CCDC62: variants seen among roughly 807,000 people sequenced by gnomAD.
The protein encoded by CCDC62 is coiled-coil domain containing 62.
CCDC62 carries 72 observed loss-of-function variants against 80.8 expected under a neutral mutation model. That is an observed-to-expected ratio of 0.89 (90% CI 0.74 to 1.08). The LOEUF is 1.08. Ranked by LOEUF, CCDC62 falls within the 50% of genes least tolerant of loss-of-function variation. The probability of loss-of-function intolerance (pLI) is 0.00; values close to 1 mark genes in which losing one functional copy is unlikely to be tolerated. For synonymous variants in CCDC62, 286 were observed against 296.5 expected, an observed-to-expected ratio of 0.96 and a Z score of 0.36; for missense variants, 704 against 809.4, an observed-to-expected ratio of 0.87 and a Z score of 1.58.
At chr12:122,817,138 A>G (rs575670764) in intron 11 of CCDC62, among the ~76,000 whole-genome samples, 2 of 150,872 alleles carry the variant, frequency 1.3e-5, no homozygotes, top group South Asian at 4.2e-4. Flanking sequence ...TGCAAGCTCC[A>G]CCTTCCGGGT....
chr12:122,809,244 C>A (rs2135573515), intron 10 of CCDC62, among the ~76,000 whole-genome samples: 1 of 152,362 alleles, frequency 6.6e-6, no homozygotes, highest in South Asian at 2.1e-4. Flanking sequence ...AATCCCAGCA[C>A]TTTGGGAGGC....
At chr12:122,797,279 A>T (rs762366865) in intron 6 of CCDC62, 28 bp from the exon 7 acceptor site, 1 of 1,102,972 alleles carries the variant, frequency 9.1e-7, no homozygotes. Flanking sequence ...GCTGATGAAA[A>T]ATGTTAATAA....
At chr12:122,790,398 C>T (rs901238947) in intron 5 of CCDC62, among the ~76,000 whole-genome samples, 5 of 151,978 alleles carry the variant, frequency 3.3e-5, no homozygotes, top group African/African-American at 2.4e-5. Context: ...CATGATGGCT[C>T]ACATCTGTAA....
chr12:122,812,805 A>G (rs1452316652), intron 10 of CCDC62, among the ~76,000 whole-genome samples: 26 of 148,808 alleles, frequency 1.7e-4, no homozygotes, highest in African/African-American at 6.4e-4. Flanking sequence ...GAAAGAAAGA[A>G]AGAAAGAAAG....
At chr12:122,811,299 C>T (rs2031868989) in intron 10 of CCDC62, among the ~76,000 whole-genome samples, 1 of 148,542 alleles carries the variant, frequency 6.7e-6, no homozygotes, top group African/African-American at 2.5e-5. Flanking sequence ...GCAACCTCCG[C>T]CTCCCAGGTT....
chr12:122,809,031 C>T (rs530498852), intron 10 of CCDC62, among the ~76,000 whole-genome samples: 337 of 152,312 alleles, frequency 2.2e-3, no homozygotes, highest in African/African-American at 7.5e-3. Flanking sequence ...CCTTTTCACA[C>T]GCTAAACCAC....
At chr12:122,819,298 T>C (rs145426125) in intron 11 of CCDC62, among the ~76,000 whole-genome samples, 103 of 152,276 alleles carry the variant, frequency 6.8e-4, no homozygotes, top group Admixed American at 4.8e-3. Context: ...GAGCAGCGTG[T>C]CTGCTTCTCC....
rs1327351726 is a variant in CCDC62 at position 122,801,111 on chromosome 12, A to T, written c.978-13A>T. 1.3e-6 allele frequency: 2 copies of T among 1,583,370 alleles called. No individual in the cohort carries two copies. The highest frequency in any genetic ancestry group is 3.9e-5 in the Admixed American group (2 of 51,550). On this transcript the variant is annotated splice_polypyrimidine_tract_variant and intron_variant, in intron 8 of 12. Coordinates refer to ENST00000253079, the MANE Select transcript of CCDC62 (RefSeq NM_201435.5). ...ATCTTATAACCTCCATTTTTTTTCTAATGCCACCATAGCAGAGACATGTGT... is the reference window on the plus strand; with the variant it reads ...ATCTTATAACCTCCATTTTTTTTCTTATGCCACCATAGCAGAGACATGTGT...
chr12:122,776,406 A>T (rs953047758), intron 1 of CCDC62, among the ~76,000 whole-genome samples: 2 of 152,250 alleles, frequency 1.3e-5, no homozygotes, highest in Non-Finnish European at 2.9e-5. Context: ...GTTATATAGG[A>T]AATGTTCATT....
chr12:122,824,582 A>G (rs1325132779), intron 12 of CCDC62, among the ~76,000 whole-genome samples: 2 of 152,144 alleles, frequency 1.3e-5, no homozygotes, highest in Non-Finnish European at 2.9e-5. Context: ...AACTAGTACA[A>G]CCCCTATGGA....
At chr12:122,795,584 C>T (rs2030892742) in intron 6 of CCDC62, among the ~76,000 whole-genome samples, 1 of 152,054 alleles carries the variant, frequency 6.6e-6, no homozygotes, top group Non-Finnish European at 1.5e-5. Context: ...CCACCATGCC[C>T]AGCTAATTTT....
At chr12:122,799,296 T>TCATC (rs1041631269) in intron 8 of CCDC62, among the ~76,000 whole-genome samples, 65 of 152,222 alleles carry the variant, frequency 4.3e-4, no homozygotes, top group African/African-American at 1.3e-3. Context: ...AATCATTCAT[T>TCATC]CATCCATCCA....
In CCDC62 at chr12:122,823,473, G is replaced by C; in HGVS notation, c.*40+14G>C. On this transcript the variant is annotated intron_variant, in intron 12 of 12. Coordinates refer to ENST00000253079, the MANE Select transcript of CCDC62 (RefSeq NM_201435.5). ...TCGTGATCACGAGTAAGTCACCTTT[G>C]CTTATCTCACCTTATATCTCAATTA... The C allele has an allele frequency of 8.1e-7, 1 of 1,233,732 alleles. No individual in the cohort carries two copies. Among genetic ancestry groups the C allele is most frequent in the Non-Finnish European group, 1.2e-6 (1 of 835,170 alleles). 76.4% of individuals were successfully genotyped at this position (1,233,732 alleles called of 1,614,324 possible). A position where few individuals can be genotyped will look rare whatever the true frequency, so the allele number is the denominator to read the frequency against.
At chr12:122,799,884 C>T (rs183242678) in intron 8 of CCDC62, among the ~76,000 whole-genome samples, 147 of 152,292 alleles carry the variant, frequency 9.7e-4, no homozygotes, top group Non-Finnish European at 1.6e-3. Context: ...GGGCCCTCTG[C>T]GAGGGGTTGT....
intron 12 of CCDC62, 87 bp downstream of exon 12, chr12:122,823,546 A>G: frequency 1.4e-6 from 1 of 705,656 alleles, no homozygotes. Flanking sequence ...AGTCAAGGCC[A>G]TGCATTTGTT....
intron 11 of CCDC62, among the ~76,000 whole-genome samples, chr12:122,813,673 G>A (rs576762017): frequency 2.0e-5 from 3 of 152,116 alleles, no homozygotes; most frequent in East Asian, 3.9e-4. Flanking sequence ...TGGAGGGGGC[G>A]GGTACAGAGT....
chr12:122,786,759 G>A (rs1429868317), intron 4 of CCDC62, among the ~76,000 whole-genome samples: 6 of 151,682 alleles, frequency 4.0e-5, no homozygotes, highest in African/African-American at 7.3e-5. Context: ...AGGAGATCGA[G>A]ACCATCCTGG....
chr12:122,801,227 A>G lies in CCDC62; in HGVS notation c.1081A>G (p.Met361Val), dbSNP rs979860198. 1 of 1,614,092 alleles carries G rather than the reference A, an allele frequency of 6.2e-7. No individual in the cohort carries two copies. Among genetic ancestry groups the G allele is most frequent in the African/African-American group, 1.3e-5 (1 of 74,954 alleles). Reference sequence around the variant, plus strand: ...GTTTAAGGACCAGAAATTTGAAGCCATGTTGGTTCAGCAAAATAGGTCAGA... The same window carrying G: ...GTTTAAGGACCAGAAATTTGAAGCCGTGTTGGTTCAGCAAAATAGGTCAGA... ...SLFKDQKFEA[M>V]LVQQNRSDKS... The change falls in exon 9 of 13, where the codon ATG (methionine) becomes GTG (valine). Residue 361 changes from methionine (M) to valine (V), a missense_variant. Coordinates refer to ENST00000253079, the MANE Select transcript of CCDC62 (RefSeq NM_201435.5).
At chr12:122,826,365 C>A in intron 12 of CCDC62, 57 bp from the exon 13 acceptor site, 1 of 771,390 alleles carries the variant, frequency 1.3e-6, no homozygotes, top group Non-Finnish European at 2.4e-6. Flanking sequence ...ATAGCATGCT[C>A]TCCAATATTA....
Sources: allele counts gnomAD v4.1 joint callset (sites outside exome capture counted in the v4.1 genomes callset), GRCh38; gene constraint gnomAD v4.1.1; transcripts MANE v1.5; gene names NCBI Gene and HGNC (gene_info 2026-07-23, HGNC 2026-07-21).